The following NUBPL variants were observed in gnomAD, a reference collection of about 807,000 sequenced individuals.
The protein encoded by NUBPL is iron-sulfur cluster transfer protein NUBPL.
A neutral mutation model predicts 45.7 loss-of-function variants in NUBPL; 31 were observed. That is an observed-to-expected ratio of 0.68 (90% CI 0.51 to 0.92). The LOEUF (loss-of-function observed/expected upper bound fraction) is 0.92, where lower values mean the gene tolerates loss of function less well. NUBPL is among the 40% of genes least tolerant of loss of function. NUBPL has a pLI of 0.00. For synonymous variants in NUBPL, 144 were observed against 140.9 expected (o/e 1.02, Z -0.15); for missense variants, 401 against 398.7 (o/e 1.01, Z -0.05).
At chr14:31,826,034 A>G (rs998069924) in intron 7 of NUBPL, among the ~76,000 whole-genome samples, 2 of 151,900 alleles carry the variant, frequency 1.3e-5, no homozygotes, top group Non-Finnish European at 2.9e-5. Flanking sequence ...GCATCTGTAT[A>G]ACTAGCACAT....
intron 7 of NUBPL, among the ~76,000 whole-genome samples, chr14:31,813,620 G>A (rs1024836445): frequency 6.6e-6 from 1 of 151,560 alleles, no homozygotes; most frequent in Non-Finnish European, 1.5e-5. Context: ...ATGTACCATG[G>A]TGGTTTCCTG....
chr14:31,744,607 T>C (rs954876743), intron 6 of NUBPL, among the ~76,000 whole-genome samples: 1 of 149,208 alleles, frequency 6.7e-6, no homozygotes, highest in Non-Finnish European at 1.5e-5. Context: ...TATTGAAAGA[T>C]TTGTAGAATC....
chr14:31,784,041 A>C (rs539920470), intron 6 of NUBPL, among the ~76,000 whole-genome samples: 1 of 152,322 alleles, frequency 6.6e-6, no homozygotes, highest in East Asian at 1.9e-4. Flanking sequence ...AAGTAATCAA[A>C]AGGATCAGAA....
rs114690721 is a variant in NUBPL, at chr14:31,799,978, T to A, written c.607+12105T>A. 6.5e-3 allele frequency among the ~76,000 whole-genome samples: 995 copies of A among 152,352 alleles called. 12 individuals carry two copies. The highest frequency in any genetic ancestry group is 0.022 in the African/African-American group (932 of 41,582). On this transcript the variant is annotated intron_variant, in intron 7 of 10. Coordinates refer to ENST00000281081, the MANE Select transcript of NUBPL (RefSeq NM_025152.3). ...ATGCTTCTGTTTTATCAACTAAGTG[T>A]GTGTAATATTCTAAATCCTTTGTTG...
intron 8 of NUBPL, chr14:31,845,693 A>G (rs189730815): frequency 6.6e-5 from 10 of 152,586 alleles, no homozygotes; most frequent in African/African-American, 2.2e-4. Context: ...CAAAATAACC[A>G]TCTCATAAAG....
At chr14:31,812,490 A>G (rs189823795) in intron 7 of NUBPL, among the ~76,000 whole-genome samples, 206 of 152,342 alleles carry the variant, frequency 1.4e-3, no homozygotes, top group African/African-American at 4.7e-3. Flanking sequence ...GTCCATTGGA[A>G]AAGCACAGTG....
chr14:31,653,942 T>C, intron 4 of NUBPL: 1 of 298,878 alleles, frequency 3.3e-6, no homozygotes, highest in Non-Finnish European at 7.1e-6. Context: ...GTCCCTGACT[T>C]CCCACAACAA....
At chr14:31,833,891 G>A (rs570627966) in intron 8 of NUBPL, among the ~76,000 whole-genome samples, 5 of 152,244 alleles carry the variant, frequency 3.3e-5, no homozygotes, top group African/African-American at 9.6e-5. Context: ...CTCTCAAGAA[G>A]CCTAAGAAAT....
intron 6 of NUBPL, among the ~76,000 whole-genome samples, chr14:31,682,791 A>C (rs2139837405): frequency 6.6e-6 from 1 of 152,292 alleles, no homozygotes; most frequent in South Asian, 2.1e-4. Flanking sequence ...GTCTCAGTCC[A>C]TTTAGTGTTG....
intron 4 of NUBPL, among the ~76,000 whole-genome samples, chr14:31,641,059 C>A (rs938815742): frequency 2.0e-5 from 3 of 152,202 alleles, no homozygotes; most frequent in Non-Finnish European, 2.9e-5. Flanking sequence ...TCAAGTGATT[C>A]TTCTGCCTCA....
intron 6 of NUBPL, among the ~76,000 whole-genome samples, chr14:31,681,939 ACCAGCAC>A (rs2036843936): frequency 6.6e-6 from 1 of 152,218 alleles, no homozygotes; most frequent in Middle Eastern, 3.4e-3. Flanking sequence ...CTTTTTGTGG[ACCAGCAC>A]CAGCATGCGA....
intron 3 of NUBPL, chr14:31,577,963 G>A (rs1345738628): frequency 3.9e-6 from 5 of 1,288,890 alleles, no homozygotes; most frequent in East Asian, 5.5e-5. Context: ...TCACAAGGTC[G>A]GGGACTGCGT....
chr14:31,604,031 T>C (rs1242648142), intron 4 of NUBPL, among the ~76,000 whole-genome samples: 1 of 152,134 alleles, frequency 6.6e-6, no homozygotes, highest in Non-Finnish European at 1.5e-5. Context: ...GTCTGCTTGG[T>C]ATATGCCAAC....
intron 4 of NUBPL, among the ~76,000 whole-genome samples, chr14:31,606,690 AG>A (rs990945299): frequency 6.6e-6 from 1 of 151,954 alleles, no homozygotes; most frequent in African/African-American, 2.4e-5. Context: ...CACAGAGGGC[AG>A]GGCATATTGT....
At chr14:31,626,908 CAGGGACATTG>C (rs1291396518) in intron 4 of NUBPL, among the ~76,000 whole-genome samples, 1 of 151,524 alleles carries the variant, frequency 6.6e-6, no homozygotes, top group Non-Finnish European at 1.5e-5. Flanking sequence ...AACCACATTT[CAGGGACATTG>C]GTTCCCAAAC....
chr14:31,838,279 C>CAAAAAAA (rs748313330), intron 8 of NUBPL, among the ~76,000 whole-genome samples: 27 of 60,204 alleles, frequency 4.5e-4, no homozygotes, highest in African/African-American at 1.1e-3. Flanking sequence ...TAATATCCAG[C>CAAAAAAA]AAAAAAAAAA....
intron 7 of NUBPL, among the ~76,000 whole-genome samples, chr14:31,822,883 T>C (rs1735283481): frequency 6.6e-6 from 1 of 152,158 alleles, no homozygotes; most frequent in Non-Finnish European, 1.5e-5. Flanking sequence ...CATAGATGCT[T>C]ATTTGTGCTA....
At chr14:31,638,499 T>C (rs1259763264) in intron 4 of NUBPL, among the ~76,000 whole-genome samples, 4 of 151,974 alleles carry the variant, frequency 2.6e-5, no homozygotes, top group African/African-American at 9.7e-5. Context: ...TAACCCGACC[T>C]TTCTCTCTGG....
At chr14:31,572,763 A>G (rs953698662) in intron 3 of NUBPL, among the ~76,000 whole-genome samples, 4 of 152,136 alleles carry the variant, frequency 2.6e-5, no homozygotes, top group Non-Finnish European at 4.4e-5. Flanking sequence ...TCATTTTTGT[A>G]TGAACTGCGT....
Sources: gnomAD v4.1 joint callset for allele counts (sites outside exome capture counted in the v4.1 genomes callset) on GRCh38, gnomAD v4.1.1 for gene constraint, MANE v1.5 for transcripts, NCBI Gene and HGNC (gene_info 2026-07-23, HGNC 2026-07-21) for gene names.